POP5: variants seen among roughly 807,000 people sequenced by gnomAD.
The protein encoded by POP5 is ribonuclease P/MRP protein subunit POP5.
In POP5, 18 loss-of-function variants were observed where a neutral mutation model predicts 20.7. That is an observed-to-expected ratio of 0.87 (90% CI 0.60 to 1.29). The LOEUF is 1.29. Among genes scored for constraint, POP5 ranks in the 50% most tolerant of loss-of-function variants. The pLI, the probability that POP5 is intolerant of heterozygous loss-of-function variation, is 0.00. For missense variants in POP5, 200 were observed against 203.2 expected, an observed-to-expected ratio of 0.98 and a Z score of 0.10; for synonymous variants, 91 against 78.0, an observed-to-expected ratio of 1.17 and a Z score of -0.88.
At chr12:120,579,646 TAC>T in intron 3 of POP5, 49 bp from the exon 4 acceptor site, 1 of 1,569,014 alleles carries the variant, frequency 6.4e-7, no homozygotes, top group Non-Finnish European at 8.8e-7. Context: ...ATCTCGACCT[TAC>T]AGACTTTCAG....
chr12:120,580,514 T>C (rs1231728875), intron 2 of POP5: 1 of 153,986 alleles, frequency 6.5e-6, no homozygotes, highest in African/African-American at 2.4e-5. Context: ...TTTTACTGCA[T>C]TTGGGCTCCG....
chr12:120,580,842 C>G, intron 2 of POP5: 1 of 515,280 alleles, frequency 1.9e-6, no homozygotes, highest in Non-Finnish European at 3.4e-6. Flanking sequence ...ATTCTCTACC[C>G]TATCAAATTC....
At position 120,579,582 on chromosome 12, in the gene POP5, C is replaced by T. The variant is rs1334671435; in HGVS notation, c.329G>A (p.Cys110Tyr). ...TLHVGGTIRT[C>Y]QKFLIQYNRR... is the part of the protein sequence containing the mutation. ...GTTGTACTGAATTAGGAACTTCTGA[C>T]ATGTTCTTATTGTACCTGGCATATG... Residue 110 changes from cysteine (C) to tyrosine (Y), a missense_variant, in exon 4 of 5, where the codon TGT (cysteine) becomes TAT (tyrosine). Physicochemically the swap from Cys to Tyr is radical, Grantham distance 194. Transcript: ENST00000357500. 8.1e-6 allele frequency: 13 copies of T among 1,613,570 alleles called. No homozygotes were observed. The highest frequency in any genetic ancestry group is 1.1e-5 in the Non-Finnish European group (13 of 1,179,608).
chr12:120,579,639 T>C, intron 3 of POP5, 42 bp from the exon 4 acceptor site: 1 of 1,574,642 alleles, frequency 6.4e-7, no homozygotes, highest in Non-Finnish European at 8.7e-7. Flanking sequence ...GTGAAAGATC[T>C]CGACCTTACA....
intron 2 of POP5, 121 bp from the exon 3 acceptor site, chr12:120,580,044 C>A: frequency 2.3e-6 from 2 of 878,718 alleles, no homozygotes; most frequent in South Asian, 3.4e-5. Context: ...GAGTTCGAGG[C>A]CAGCCTGGCC....
Position 120,581,342 on chromosome 12 carries a change from C to T in POP5, c.20+1G>A, listed in dbSNP as rs769356408. ...GGGAGGGTCTGGAAGGGAATGCTTA[C>T]CTGTGCTTGAACCGCACCATGGCTG... is the stretch of plus-strand genomic sequence containing the variant. On this transcript the variant is annotated splice_donor_variant, in intron 1 of 4. Coordinates refer to ENST00000357500, the MANE Select transcript of POP5 (RefSeq NM_015918.4). LOFTEE classifies it high-confidence loss of function. 6.2e-7 allele frequency: 1 copy of T among 1,613,828 alleles called. No individual in the cohort carries two copies. The highest frequency in any genetic ancestry group is 2.2e-5 in the East Asian group (1 of 44,886).
chr12:120,581,318 G>A (rs1295458969), intron 1 of POP5, 25 bp downstream of exon 1: 2 of 1,614,016 alleles, frequency 1.2e-6, no homozygotes, highest in Non-Finnish European at 1.7e-6. Context: ...CAAGGCACTG[G>A]GAGGGTCTGG....
rs1019568441 is a variant in POP5, at chr12:120,579,014, T to C, written c.*304A>G. ...GAGACTTGGCCAAGCATGGACTCCATAAGCCCTTTCTGTAATATAAGTATG... is the reference window on the plus strand; with the variant it reads ...GAGACTTGGCCAAGCATGGACTCCACAAGCCCTTTCTGTAATATAAGTATG... On this transcript the variant is annotated 3_prime_UTR_variant, in exon 5 of 5. Transcript: ENST00000357500. 7.3e-6 allele frequency: 3 copies of C among 411,124 alleles called. 1 individual carries two copies. Among genetic ancestry groups the C allele is most frequent in the African/African-American group, 6.1e-5 (3 of 49,458 alleles). The allele number at this position is 411,124 out of a possible 1,614,324, so 25.5% of individuals were successfully genotyped here. A position where few individuals can be genotyped will look rare whatever the true frequency, so the allele number is the denominator to read the frequency against.
Position 120,581,251 on chromosome 12 carries a change from C to G in POP5, c.27G>C (p.Leu9=). 6 of 1,614,232 alleles carry G rather than the reference C, an allele frequency of 3.7e-6. No individual in the cohort carries two copies. The highest frequency in any genetic ancestry group is 5.1e-6 in the Non-Finnish European group (6 of 1,180,044). Residue 9 remains leucine (L), a synonymous_variant, in exon 2 of 5, where the codon CTG becomes CTC. Coordinates refer to ENST00000357500, the MANE Select transcript of POP5 (RefSeq NM_015918.4). ...GGTCGTCAGACACCAGTTCGCAGAG[C>G]AGGTACCTGCGGCAGGCGAGAGGAA... MVRFKHRY[L]LCELVSDDPR... is the part of the protein sequence containing the mutation.
At chr12:120,580,068 C>G in intron 2 of POP5, 145 bp from the exon 3 acceptor site, 1 of 676,136 alleles carries the variant, frequency 1.5e-6, no homozygotes, top group Non-Finnish European at 2.4e-6. Flanking sequence ...ATGATGAAAC[C>G]CCGTCTCTAC....
chr12:120,580,013 G>A (rs1027584590), intron 2 of POP5, 90 bp from the exon 3 acceptor site: 9 of 1,296,476 alleles, frequency 6.9e-6, no homozygotes, highest in African/African-American at 1.5e-5. Flanking sequence ...AGGCTGAGGC[G>A]GGCAGATCAC....
At position 120,579,884 on chromosome 12, in the gene POP5, C is replaced by T. The variant is rs766273776; in HGVS notation, c.203G>A (p.Arg68Gln). 1.3e-5 allele frequency: 21 copies of T among 1,612,610 alleles called. No individual in the cohort carries two copies. The highest frequency in any genetic ancestry group is 1.2e-4 in the Admixed American group (7 of 59,996). The part of the protein sequence containing the change: ...LNAYTGIVLL[R>Q]CRKEFYQLVW... ...AAGCTGATAGAATTCTTTTCTGCAT[C>T]GAAGTAGCACTATTCCAGTATAGGC... The change falls in exon 3 of 5, where the codon CGA becomes CAA. Residue 68 changes from arginine to glutamine, a missense_variant. Transcript: ENST00000357500.
At chr12:120,580,319 C>T (rs1877797915) in intron 2 of POP5, among the ~76,000 whole-genome samples, 1 of 152,202 alleles carries the variant, frequency 6.6e-6, no homozygotes, top group South Asian at 2.1e-4. Flanking sequence ...GTAGATCTAT[C>T]AGCGAGTAAA....
At chr12:120,580,154 A>C in intron 2 of POP5, 2 of 433,922 alleles carry the variant, frequency 4.6e-6, no homozygotes, top group African/African-American at 2.0e-5. Flanking sequence ...AGGCATGAGA[A>C]TCGCCTGAAC....
chr12:120,580,126 C>T, intron 2 of POP5: 1 of 494,096 alleles, frequency 2.0e-6, no homozygotes, highest in South Asian at 2.3e-5. Flanking sequence ...CCTGTAATTC[C>T]AGCCACTCAG....
Position 120,581,136 on chromosome 12 carries a change from C to T in POP5, c.142G>A (p.Ala48Thr). The change falls in exon 2 of 5, where the codon GCC becomes ACC. Residue 48 changes from alanine to threonine, a missense_variant. Coordinates refer to ENST00000357500, the MANE Select transcript of POP5 (RefSeq NM_015918.4). The part of the protein sequence containing the change: ...ARVHGTFGAA[A>T]CSIGFAVRYL... ...GCACCCGCGAAGCCGATGGAGCAGG[C>T]GGCTGCGCCGAAAGTTCCGTGCACC... 2 of 1,612,602 alleles carry T rather than the reference C, an allele frequency of 1.2e-6. No homozygotes were observed. Among genetic ancestry groups the T allele is most frequent in the Non-Finnish European group, 1.7e-6 (2 of 1,179,992 alleles).
At chr12:120,580,119 G>C in intron 2 of POP5, 196 bp from the exon 3 acceptor site, 1 of 509,574 alleles carries the variant, frequency 2.0e-6, no homozygotes. Flanking sequence ...GTGCGCACCT[G>C]TAATTCCAGC....
rs750903448 is a variant in POP5, at chr12:120,579,406, C to T, written c.404G>A (p.Arg135Gln). The T allele has an allele frequency of 2.5e-6, 4 of 1,613,692 alleles. No homozygotes were observed. Among genetic ancestry groups the T allele is most frequent in the East Asian group, 2.2e-5 (1 of 44,886 alleles). ...TGTCACAGACTTCTGGATAGCTTCC[C>T]GCTCTCCTGGAGAAGGCAGATAACA... Reference protein sequence around the residue: ...LLQNCTDEGEREAIQKSVTRS... With the variant: ...LLQNCTDEGEQEAIQKSVTRS... Residue 135 changes from arginine (R) to glutamine (Q), a missense_variant, in exon 5 of 5, where the codon CGG (arginine) becomes CAG (glutamine). Coordinates refer to ENST00000357500, the MANE Select transcript of POP5 (RefSeq NM_015918.4).
chr12:120,581,131 G>C lies in POP5; in HGVS notation c.147C>G (p.Cys49Trp). Residue 49 changes from cysteine to tryptophan, a missense_variant, in exon 2 of 5, where the codon TGC (cysteine) becomes TGG (tryptophan). Transcript: ENST00000357500. ...RVHGTFGAAA[C>W]SIGFAVRYLN... is the part of the protein sequence containing the mutation. The stretch of plus-strand genomic sequence containing the variant: ...CCCTTGCACCCGCGAAGCCGATGGA[G>C]CAGGCGGCTGCGCCGAAAGTTCCGT... 6.2e-7 allele frequency: 1 copy of C among 1,612,196 alleles called. No individual in the cohort carries two copies.
Sources: allele counts gnomAD v4.1 joint callset (sites outside exome capture counted in the v4.1 genomes callset), GRCh38; gene constraint gnomAD v4.1.1; transcripts MANE v1.5; gene names NCBI Gene and HGNC (gene_info 2026-07-23, HGNC 2026-07-21).